The following LAMA2 variants were observed in gnomAD, a reference collection of about 807,000 sequenced individuals.
The protein encoded by LAMA2 is laminin subunit alpha 2.
In LAMA2, 269 loss-of-function variants were observed where a neutral mutation model predicts 364.8. The ratio of observed to expected loss-of-function variants is 0.74; its 90% CI spans 0.67 to 0.82. The LOEUF is 0.82. Among genes scored for constraint, LAMA2 ranks in the 40% least tolerant of loss-of-function variants. LAMA2 has a pLI of 0.00. For synonymous variants in LAMA2, 1,379 were observed against 1,370.6 expected, an observed-to-expected ratio of 1.01 and a Z score of -0.14; for missense variants, 3,807 against 3,873.2, an observed-to-expected ratio of 0.98 and a Z score of 0.45.
intron 35 of LAMA2, among the ~76,000 whole-genome samples, chr6:129,384,567 C>T (rs999406136): frequency 2.0e-5 from 3 of 152,180 alleles, no homozygotes; most frequent in Non-Finnish European, 4.4e-5. Flanking sequence ...CCATCTCCCA[C>T]CAAAGAGAGA....
chr6:129,324,816 G>T (rs111509703), intron 28 of LAMA2, among the ~76,000 whole-genome samples: 1 of 152,142 alleles, frequency 6.6e-6, no homozygotes, highest in Admixed American at 6.5e-5. Flanking sequence ...GACCACTGTC[G>T]TACACATGGT....
chr6:129,051,818 T>C (rs1485792605), intron 2 of LAMA2, among the ~76,000 whole-genome samples: 1 of 151,734 alleles, frequency 6.6e-6, no homozygotes, highest in Non-Finnish European at 1.5e-5. Context: ...GAAACCACCA[T>C]TGGTTCAGAG....
chr6:129,482,815 C>T (rs1224288711), intron 55 of LAMA2, among the ~76,000 whole-genome samples: 1 of 152,052 alleles, frequency 6.6e-6, no homozygotes, highest in Non-Finnish European at 1.5e-5. Flanking sequence ...AATCCCAGCA[C>T]TTTGGGAGGC....
intron 29 of LAMA2, among the ~76,000 whole-genome samples, chr6:129,333,209 C>A (rs1302419878): frequency 6.6e-6 from 1 of 152,028 alleles, no homozygotes; most frequent in African/African-American, 2.4e-5. Flanking sequence ...CTATTATTTG[C>A]AAATATTATA....
intron 1 of LAMA2, among the ~76,000 whole-genome samples, chr6:129,008,256 C>T (rs1784553845): frequency 6.6e-6 from 1 of 151,992 alleles, no homozygotes; most frequent in African/African-American, 2.4e-5. Flanking sequence ...CATTGCTCTC[C>T]ATCTCTTTGA....
chr6:129,009,257 C>T (rs1413060537), intron 1 of LAMA2, among the ~76,000 whole-genome samples: 1 of 152,034 alleles, frequency 6.6e-6, no homozygotes, highest in Non-Finnish European at 1.5e-5. Flanking sequence ...CCCACCCAGA[C>T]CATAATCTCT....
chr6:129,401,146 G>T (rs1046750026), intron 37 of LAMA2, 78 bp from the exon 38 acceptor site: 4 of 916,950 alleles, frequency 4.4e-6, no homozygotes, highest in East Asian at 2.4e-5. Context: ...TATTCAAACA[G>T]CTCAGGAAAG....
At chr6:129,293,152 A>G (rs1240784146) in intron 20 of LAMA2, 1 of 883,432 alleles carries the variant, frequency 1.1e-6, no homozygotes, top group African/African-American at 1.8e-5. Context: ...GCATTTTACC[A>G]AATAACAGTT....
intron 4 of LAMA2, among the ~76,000 whole-genome samples, chr6:129,135,827 A>G (rs1777759188): frequency 6.6e-6 from 1 of 152,206 alleles, no homozygotes; most frequent in East Asian, 1.9e-4. Flanking sequence ...GATAAAATGT[A>G]AATGAGAAGC....
intron 1 of LAMA2, among the ~76,000 whole-genome samples, chr6:128,967,905 G>C (rs1214321389): frequency 6.6e-6 from 1 of 152,094 alleles, no homozygotes; most frequent in Non-Finnish European, 1.5e-5. Context: ...CTTAGCCGAA[G>C]ATTCCCAGCC....
intron 1 of LAMA2, among the ~76,000 whole-genome samples, chr6:128,962,139 CATAT>C (rs55906092): frequency 0.084 from 3,189 of 37,960 alleles, 121 homozygotes; most frequent in Admixed American, 0.1. Context: ...TCCTCTGGAC[CATAT>C]ATATATATAT....
chr6:129,252,129 C>A lies in LAMA2; in HGVS notation c.1930C>A (p.His644Asn). Residue 644 changes from histidine to asparagine, a missense_variant, in exon 14 of 65, where the codon CAC (histidine) becomes AAC (asparagine). Coordinates refer to ENST00000421865, the MANE Select transcript of LAMA2 (RefSeq NM_000426.4). ...ISTAQDEVYL[H>N]PSEEHTNVLL... ...CACAGCCCAAGATGAGGTGTACCTG[C>A]ACCCATCTGAAGAACATACTAATGT... 1 of 1,613,462 alleles carries A rather than the reference C, an allele frequency of 6.2e-7. No homozygotes were observed. Among genetic ancestry groups the A allele is most frequent in the Non-Finnish European group, 8.5e-7 (1 of 1,179,594 alleles).
intron 12 of LAMA2, among the ~76,000 whole-genome samples, chr6:129,205,947 C>T (rs1378913107): frequency 1.3e-5 from 2 of 151,380 alleles, no homozygotes; most frequent in African/African-American, 2.4e-5. Flanking sequence ...CACCTGAACT[C>T]CGGAGGCGGA....
At chr6:129,126,295 T>C (rs188043518) in intron 4 of LAMA2, among the ~76,000 whole-genome samples, 1 of 152,330 alleles carries the variant, frequency 6.6e-6, no homozygotes, top group African/African-American at 2.4e-5. Flanking sequence ...AACATCTGTT[T>C]GACAAATTGA....
At chr6:129,129,923 CAAAAAA>C (rs543305057) in intron 4 of LAMA2, among the ~76,000 whole-genome samples, 2 of 76,290 alleles carry the variant, frequency 2.6e-5, no homozygotes, top group Non-Finnish European at 5.7e-5. Context: ...GATTCCGTCT[CAAAAAA>C]AAAAAAAAAA....
Position 129,407,345 on chromosome 6 carries a change from T to C in LAMA2, c.5865+3386T>C, listed in dbSNP as rs118125190. The stretch of plus-strand genomic sequence containing the variant: ...CATAATCTCCAAATAAAGACAATAA[T>C]AACATCATAATTATACCTAACATAA... On this transcript the variant is annotated intron_variant, in intron 40 of 64. Coordinates refer to ENST00000421865, the MANE Select transcript of LAMA2 (RefSeq NM_000426.4). Among the ~76,000 whole-genome samples, 1,122 of 152,186 alleles carry C rather than the reference T, an allele frequency of 7.4e-3. 8 individuals are homozygous for C. Among genetic ancestry groups the C allele is most frequent in the Middle Eastern group, 0.017 (5 of 294 alleles).
At chr6:128,963,000 T>C (rs1167292432) in intron 1 of LAMA2, among the ~76,000 whole-genome samples, 1 of 152,170 alleles carries the variant, frequency 6.6e-6, no homozygotes, top group African/African-American at 2.4e-5. Flanking sequence ...TTATTTTTAG[T>C]ACCTCTGTTG....
At chr6:129,286,225 T>A (rs1178057156) in intron 18 of LAMA2, among the ~76,000 whole-genome samples, 1 of 152,202 alleles carries the variant, frequency 6.6e-6, no homozygotes, top group East Asian at 1.9e-4. Context: ...CCTTCAATTT[T>A]GACACTTGCT....
chr6:129,199,589 A>C (rs1782055146), intron 12 of LAMA2, among the ~76,000 whole-genome samples: 1 of 152,126 alleles, frequency 6.6e-6, no homozygotes, highest in African/African-American at 2.4e-5. Context: ...AATCAAGAGA[A>C]TCTACAGACA....
Sources: gnomAD v4.1 joint callset for allele counts (sites outside exome capture counted in the v4.1 genomes callset) on GRCh38, gnomAD v4.1.1 for gene constraint, MANE v1.5 for transcripts, NCBI Gene and HGNC (gene_info 2026-07-23, HGNC 2026-07-21) for gene names.